Variants in BTBD2 observed in about 807,000 individuals in gnomAD.
BTBD2 encodes the protein BTB domain containing 2.
A neutral mutation model predicts 44.0 loss-of-function variants in BTBD2; 15 were observed. That is an observed-to-expected ratio of 0.34 (90% CI 0.23 to 0.53). The LOEUF is 0.53. Among genes scored for constraint, BTBD2 ranks in the 20% least tolerant of loss-of-function variants. The pLI is 0.95. For synonymous variants in BTBD2, 443 were observed against 335.9 expected, an observed-to-expected ratio of 1.32 and a Z score of -3.49; for missense variants, 657 against 746.4, an observed-to-expected ratio of 0.88 and a Z score of 1.39.
intron 1 of BTBD2, among the ~76,000 whole-genome samples, chr19:2,004,556 C>T (rs1345847522): frequency 1.3e-5 from 2 of 151,722 alleles, no homozygotes; most frequent in African/African-American, 4.8e-5. Context: ...CTCGGCCTCC[C>T]GAAGTGCTGG....
chr19:2,005,721 G>A (rs1218085463), intron 1 of BTBD2, among the ~76,000 whole-genome samples: 2 of 150,712 alleles, frequency 1.3e-5, no homozygotes, highest in Non-Finnish European at 2.9e-5. Context: ...GGCAGAGGTT[G>A]CAGTGAACCA....
rs531651516 is a variant in BTBD2 at position 1,986,120 on chromosome 19, G to A, written c.*368C>T. 8 of 275,592 alleles carry A rather than the reference G, an allele frequency of 2.9e-5. 1 individual carries two copies. The South Asian group carries it at 4.2e-4, about 15-fold the overall frequency. 17.1% of individuals were successfully genotyped at this position (275,592 alleles called of 1,614,324 possible). A position where few individuals can be genotyped will look rare whatever the true frequency, so the allele number is the denominator to read the frequency against. On this transcript the variant is annotated 3_prime_UTR_variant, in exon 9 of 9. Transcript: ENST00000255608. ...ATGGGAATCGCAAATGCATTGCAATGTGCAGTGAAGAGACGCGAGGGACGC... is the reference window on the plus strand; with the variant it reads ...ATGGGAATCGCAAATGCATTGCAATATGCAGTGAAGAGACGCGAGGGACGC...
intron 2 of BTBD2, 64 bp downstream of exon 2, chr19:1,997,279 CT>C (rs1568217912): frequency 3.1e-6 from 5 of 1,606,298 alleles, no homozygotes; most frequent in Non-Finnish European, 3.4e-6. Context: ...CAGACAGGGT[CT>C]ACGTTCTCTG....
chr19:2,012,650 C>G (rs372169559), intron 1 of BTBD2, among the ~76,000 whole-genome samples: 1 of 152,188 alleles, frequency 6.6e-6, no homozygotes, highest in Non-Finnish European at 1.5e-5. Flanking sequence ...GTCGAGGGTC[C>G]GCTGTCCCAG....
chr19:1,986,370 C>G lies in BTBD2; in HGVS notation c.*118G>C, dbSNP rs908785219. ...GCTGAGAAAGGTGGCATGGAGTGGA[C>G]AGACGGCCTGGGGGACACTGGGCCT... On this transcript the variant is annotated 3_prime_UTR_variant, in exon 9 of 9. Transcript: ENST00000255608. The G allele has an allele frequency of 2.3e-6, 3 of 1,287,902 alleles. No individual in the cohort carries two copies. The highest frequency in any genetic ancestry group is 3.3e-6 in the Non-Finnish European group (3 of 910,068). The allele number at this position is 1,287,902 out of a possible 1,614,324, so 79.8% of individuals were successfully genotyped here.
intron 8 of BTBD2, 68 bp downstream of exon 8, chr19:1,986,762 C>T: frequency 6.4e-7 from 1 of 1,571,734 alleles, no homozygotes; most frequent in Non-Finnish European, 8.6e-7. Context: ...AGAGTGTGTG[C>T]TGTGCCCCGG....
At chr19:2,000,378 A>G (rs2016313801) in intron 1 of BTBD2, among the ~76,000 whole-genome samples, 1 of 152,228 alleles carries the variant, frequency 6.6e-6, no homozygotes, top group South Asian at 2.1e-4. Flanking sequence ...TTCTTGATTT[A>G]AAAATGTATC....
chr19:1,995,710 C>CTT, intron 2 of BTBD2, among the ~76,000 whole-genome samples: 1 of 151,092 alleles, frequency 6.6e-6, no homozygotes, highest in African/African-American at 2.4e-5. Flanking sequence ...GATCTCAGTC[C>CTT]ACTCCAACCT....
intron 1 of BTBD2, among the ~76,000 whole-genome samples, chr19:1,998,572 G>A (rs545606848): frequency 6.6e-6 from 1 of 152,334 alleles, no homozygotes; most frequent in Non-Finnish European, 1.5e-5. Context: ...CCACAGGCAG[G>A]AGGGTGCGGT....
chr19:1,992,782 G>C (rs1418273676), intron 3 of BTBD2, among the ~76,000 whole-genome samples: 1 of 152,070 alleles, frequency 6.6e-6, no homozygotes, highest in Non-Finnish European at 1.5e-5. Context: ...ATGTTGGCCA[G>C]GCTGGTCTGG....
chr19:1,986,638 G>T lies in BTBD2; in HGVS notation c.1428C>A (p.Ser476=). 6.2e-7 allele frequency: 1 copy of T among 1,613,816 alleles called. No individual in the cohort carries two copies. The highest frequency in any genetic ancestry group is 8.5e-7 in the Non-Finnish European group (1 of 1,179,838). Residue 476 remains serine, a synonymous_variant, in exon 9 of 9, where the codon TCC becomes TCA. Transcript: ENST00000255608. The stretch of plus-strand genomic sequence containing the variant: ...TGCGCAGGCCTTTGGTGCCGTAGTG[G>T]GAGTCTGGGCCCTGTAGGGAATAGG... The part of the protein sequence containing the change: ...TACATLKGPD[S]HYGTKGLRKV...
Position 1,995,174 on chromosome 19 carries a change from C to A in BTBD2, c.528-1998G>T, listed in dbSNP as rs533949512. On this transcript the variant is annotated intron_variant, in intron 2 of 8. Coordinates refer to ENST00000255608, the MANE Select transcript of BTBD2 (RefSeq NM_017797.4). ...TAGAGATGGGGTTTTGCCTTGTTGC[C>A]CAGGCTGGTCTCCAACTCCTGACCT... is the stretch of plus-strand genomic sequence containing the variant. Among the ~76,000 whole-genome samples, 350 of 151,786 alleles carry A rather than the reference C, an allele frequency of 2.3e-3. 1 individual carries two copies. Among genetic ancestry groups the A allele is most frequent in the Middle Eastern group, 0.014 (4 of 292 alleles).
chr19:2,004,907 T>TCCAC (rs2016375955), intron 1 of BTBD2, among the ~76,000 whole-genome samples: 1 of 149,946 alleles, frequency 6.7e-6, no homozygotes, highest in Non-Finnish European at 1.5e-5. Context: ...CTGCAACCCG[T>TCCAC]CTCCCAAGTT....
intron 1 of BTBD2, among the ~76,000 whole-genome samples, chr19:2,011,862 CT>C (rs377533680): frequency 1.4e-4 from 21 of 148,020 alleles, no homozygotes; most frequent in African/African-American, 9.9e-5. Context: ...ATTTTTTTTC[CT>C]TTTTTTTTTG....
At chr19:2,004,379 A>C (rs1488570528) in intron 1 of BTBD2, among the ~76,000 whole-genome samples, 2 of 150,668 alleles carry the variant, frequency 1.3e-5, no homozygotes, top group Non-Finnish European at 3.0e-5. Context: ...AAAATCACAA[A>C]ATCTGCCTCC....
chr19:2,001,353 G>A (rs567054745), intron 1 of BTBD2, among the ~76,000 whole-genome samples: 18 of 152,064 alleles, frequency 1.2e-4, no homozygotes, highest in Middle Eastern at 3.4e-3. Context: ...AATATTAGCC[G>A]GGCGTGGTGG....
intron 1 of BTBD2, among the ~76,000 whole-genome samples, chr19:2,001,280 A>C (rs1256703682): frequency 1.3e-5 from 2 of 152,064 alleles, no homozygotes; most frequent in Non-Finnish European, 2.9e-5. Flanking sequence ...GTGGATCACG[A>C]GGTCAGGAGA....
chr19:2,009,969 C>T (rs906822437), intron 1 of BTBD2, among the ~76,000 whole-genome samples: 1 of 151,306 alleles, frequency 6.6e-6, no homozygotes, highest in Non-Finnish European at 1.5e-5. Flanking sequence ...GCCCGGCTAA[C>T]ATGGTGAAAC....
chr19:1,995,611 T>C (rs1157400294), intron 2 of BTBD2, among the ~76,000 whole-genome samples: 1 of 149,946 alleles, frequency 6.7e-6, no homozygotes, highest in African/African-American at 2.5e-5. Flanking sequence ...ATTTTACAGG[T>C]CTAGATCTTA....
Sources: gnomAD v4.1 joint callset for allele counts (sites outside exome capture counted in the v4.1 genomes callset) on GRCh38, gnomAD v4.1.1 for gene constraint, MANE v1.5 for transcripts, NCBI Gene and HGNC (gene_info 2026-07-23, HGNC 2026-07-21) for gene names.